KRABD5: variants seen among roughly 807,000 people sequenced by gnomAD.
KRABD5 encodes KRAB domain-containing protein 5.
chr16:31,733,118 G>A, the KRABD5 span, among the ~76,000 whole-genome samples: 2 of 151,940 alleles, frequency 1.3e-5, no homozygotes, highest in Admixed American at 6.6e-5. Context: ...ACAATATGAT[G>A]TTTAGATATG....
At chr16:31,726,441 G>A in the KRABD5 span, among the ~76,000 whole-genome samples, 1,077 of 152,192 alleles carry the variant, frequency 7.1e-3, 12 homozygotes, top group African/African-American at 0.024. Flanking sequence ...GATTGTGTTG[G>A]CTATTTGTGG....
chr16:31,756,855 G>T, the KRABD5 span: 1 of 152,128 alleles, frequency 6.6e-6, no homozygotes, highest in Admixed American at 6.6e-5. Context: ...GAACTATACA[G>T]GCAGAAATGC....
the KRABD5 span, chr16:31,759,467 G>T: frequency 1.3e-6 from 2 of 1,482,172 alleles, no homozygotes; most frequent in South Asian, 1.2e-5. Flanking sequence ...TCGAAAAGGG[G>T]TGAAGTTTAT....
At chr16:31,761,292 C>T in the KRABD5 span, 1 of 152,118 alleles carries the variant, frequency 6.6e-6, no homozygotes, top group Non-Finnish European at 1.5e-5. Context: ...ACTTACTGTT[C>T]TAGTGAAACA....
the KRABD5 span, among the ~76,000 whole-genome samples, chr16:31,741,985 A>G: frequency 2.6e-5 from 4 of 152,054 alleles, no homozygotes; most frequent in Non-Finnish European, 4.4e-5. Context: ...GTAGGCGTCT[A>G]TGTTCATTCG....
chr16:31,753,821 A>G, the KRABD5 span: 1 of 1,547,314 alleles, frequency 6.5e-7, no homozygotes, highest in Admixed American at 2.0e-5. Context: ...TAGAAGCATC[A>G]TTCCAAAAAG....
the KRABD5 span, among the ~76,000 whole-genome samples, chr16:31,717,282 C>A: frequency 2.0e-5 from 3 of 152,176 alleles, no homozygotes; most frequent in Non-Finnish European, 2.9e-5. Context: ...AGGCGTGAGC[C>A]ACTGTGCCTG....
chr16:31,724,252 G>T, the KRABD5 span, among the ~76,000 whole-genome samples: 2 of 150,474 alleles, frequency 1.3e-5, no homozygotes, highest in African/African-American at 4.9e-5. Context: ...TCCCACACTT[G>T]TAAATTATAT....
At chr16:31,721,073 C>T in the KRABD5 span, among the ~76,000 whole-genome samples, 1 of 152,040 alleles carries the variant, frequency 6.6e-6, no homozygotes, top group South Asian at 2.1e-4. Flanking sequence ...AATATAACAG[C>T]ACTTAGAATA....
At chr16:31,721,290 T>A in the KRABD5 span, among the ~76,000 whole-genome samples, 1 of 152,158 alleles carries the variant, frequency 6.6e-6, no homozygotes, top group East Asian at 1.9e-4. Context: ...TGTACGTATG[T>A]GCGTGTGACA....
the KRABD5 span, among the ~76,000 whole-genome samples, chr16:31,725,542 C>A: frequency 6.5e-3 from 986 of 152,322 alleles, 9 homozygotes; most frequent in African/African-American, 0.023. Context: ...TACATTTCCA[C>A]CAATGGCATA....
chr16:31,740,794 A>G, the KRABD5 span, among the ~76,000 whole-genome samples: 4 of 151,502 alleles, frequency 2.6e-5, no homozygotes, highest in Non-Finnish European at 4.4e-5. Context: ...GTAAGACCCC[A>G]TTTTTTTCTG....
At chr16:31,735,564 C>T in the KRABD5 span, among the ~76,000 whole-genome samples, 1 of 152,102 alleles carries the variant, frequency 6.6e-6, no homozygotes, top group Non-Finnish European at 1.5e-5. Context: ...ACATCCTCAC[C>T]AATACTTGTT....
the KRABD5 span, among the ~76,000 whole-genome samples, chr16:31,716,701 A>G: frequency 6.6e-6 from 1 of 152,128 alleles, no homozygotes; most frequent in Non-Finnish European, 1.5e-5. Flanking sequence ...TTTTATGTGC[A>G]TGCGGTGTGT....
the KRABD5 span, among the ~76,000 whole-genome samples, chr16:31,728,403 T>G: frequency 1.3e-5 from 2 of 152,120 alleles, no homozygotes; most frequent in African/African-American, 4.8e-5. Flanking sequence ...CAACATCTTT[T>G]TTTTTCTTAA....
the KRABD5 span, among the ~76,000 whole-genome samples, chr16:31,738,956 C>T: frequency 3.3e-5 from 5 of 152,124 alleles, no homozygotes; most frequent in Non-Finnish European, 7.4e-5. Context: ...TCTTTATGAA[C>T]TCTCCATTGT....
At chr16:31,720,060 C>T in the KRABD5 span, among the ~76,000 whole-genome samples, 1 of 152,166 alleles carries the variant, frequency 6.6e-6, no homozygotes, top group Non-Finnish European at 1.5e-5. Context: ...ACCCACATCC[C>T]AGGGGTTTAT....
chr16:31,717,035 T>TG, the KRABD5 span, among the ~76,000 whole-genome samples: 1 of 129,888 alleles, frequency 7.7e-6, no homozygotes, highest in South Asian at 2.5e-4. Context: ...CTTGCTGTGT[T>TG]GCCCAGGCTG....
the KRABD5 span, among the ~76,000 whole-genome samples, chr16:31,718,770 C>T: frequency 5.3e-5 from 8 of 152,330 alleles, no homozygotes; most frequent in Middle Eastern, 3.4e-3. Flanking sequence ...CTGAGTCTCT[C>T]CTGCCCAAAT....
Sources: allele counts gnomAD v4.1 joint callset (sites outside exome capture counted in the v4.1 genomes callset), GRCh38; gene constraint gnomAD v4.1.1; transcripts MANE v1.5; gene names NCBI Gene and HGNC (gene_info 2026-07-23, HGNC 2026-07-21).